MMP16: variants seen among roughly 807,000 people sequenced by gnomAD.
The protein encoded by MMP16 is matrix metalloproteinase-16.
MMP16 carries 12 observed loss-of-function variants against 67.8 expected under a neutral mutation model. The ratio of observed to expected loss-of-function variants is 0.18; its 90% CI spans 0.11 to 0.29. The LOEUF (loss-of-function observed/expected upper bound fraction) is 0.29, where lower values mean the gene tolerates loss of function less well. Ranked by LOEUF, MMP16 falls within the 10% of genes least tolerant of loss-of-function variation. The pLI, the probability that MMP16 is intolerant of heterozygous loss-of-function variation, is 1.00. For missense variants in MMP16, 475 were observed against 765.7 expected, an observed-to-expected ratio of 0.62 and a Z score of 4.48; for synonymous variants, 249 against 255.9, an observed-to-expected ratio of 0.97 and a Z score of 0.26.
At chr8:88,062,663 G>T (rs79809142) in intron 7 of MMP16, among the ~76,000 whole-genome samples, 28,064 of 151,474 alleles carry the variant, frequency 0.19, 3,436 homozygotes, top group African/African-American at 0.35. Context: ...GTTGTGGGGT[G>T]GGGGGAGTGG....
At chr8:88,326,812 G>A in intron 1 of MMP16, 1 of 375,940 alleles carries the variant, frequency 2.7e-6, no homozygotes, top group South Asian at 3.3e-5. Context: ...TCTCTTCCCT[G>A]GGTGAAAAGC....
intron 8 of MMP16, among the ~76,000 whole-genome samples, chr8:88,054,614 A>G (rs963812333): frequency 6.6e-6 from 1 of 152,206 alleles, no homozygotes; most frequent in Admixed American, 6.5e-5. Context: ...AGCACAGCCT[A>G]GCTTTATTAT....
At chr8:88,127,471 A>G (rs1807954707) in intron 4 of MMP16, among the ~76,000 whole-genome samples, 3 of 151,878 alleles carry the variant, frequency 2.0e-5, no homozygotes, top group Non-Finnish European at 4.4e-5. Flanking sequence ...TGAGAGTGAT[A>G]TAATGATTTG....
intron 1 of MMP16, among the ~76,000 whole-genome samples, chr8:88,245,964 T>C (rs1810107206): frequency 6.6e-6 from 1 of 152,194 alleles, no homozygotes. Context: ...CAAGTTCACT[T>C]TTCTCTTCTA....
In MMP16 at chr8:88,184,563, G is replaced by GAAAAAAAAA. The variant is rs59310737; in HGVS notation, c.404+1904_404+1912dup. Among the ~76,000 whole-genome samples the GAAAAAAAAA allele has an allele frequency of 2.8e-3, 31 of 10,936 alleles. 8 individuals carry two copies. Among genetic ancestry groups the GAAAAAAAAA allele is most frequent in the African/African-American group, 0.013 (24 of 1,886 alleles). The allele number at this position is 10,936 out of a possible 152,430, so 7.2% of individuals were successfully genotyped here. On this transcript the variant is annotated intron_variant, in intron 3 of 9. Coordinates refer to ENST00000286614, the MANE Select transcript of MMP16 (RefSeq NM_005941.5). Reference sequence around the variant, plus strand: ...GGGCAAATGGTAAAACTCTCTCTCTGAAAAAAAAAAAAAAAAAAAAAAAAA... The same window carrying GAAAAAAAAA: ...GGGCAAATGGTAAAACTCTCTCTCTGAAAAAAAAAAAAAAAAAAAAAAAAAAAAAAAAAA...
intron 1 of MMP16, among the ~76,000 whole-genome samples, chr8:88,253,784 T>A (rs953732455): frequency 2.6e-5 from 4 of 152,204 alleles, no homozygotes; most frequent in African/African-American, 9.6e-5. Context: ...TTTTCTCACC[T>A]ACAAACTAGC....
intron 3 of MMP16, among the ~76,000 whole-genome samples, chr8:88,177,466 C>T (rs1404742690): frequency 6.6e-6 from 1 of 152,042 alleles, no homozygotes; most frequent in Non-Finnish European, 1.5e-5. Context: ...AAGGAAAAAC[C>T]CTCAAAGTCC....
chr8:88,282,961 A>G (rs1359872066), intron 1 of MMP16, among the ~76,000 whole-genome samples: 1 of 152,064 alleles, frequency 6.6e-6, no homozygotes, highest in Non-Finnish European at 1.5e-5. Flanking sequence ...GTAATACTCT[A>G]TGGCTTTCTT....
At chr8:88,192,905 T>C (rs1283242642) in intron 2 of MMP16, among the ~76,000 whole-genome samples, 3 of 152,052 alleles carry the variant, frequency 2.0e-5, no homozygotes, top group Non-Finnish European at 4.4e-5. Flanking sequence ...CAGGCCATAA[T>C]GAAAGCTGGG....
chr8:88,144,615 G>T (rs545847008), intron 4 of MMP16, among the ~76,000 whole-genome samples: 1 of 151,644 alleles, frequency 6.6e-6, no homozygotes, highest in Non-Finnish European at 1.5e-5. Context: ...AAATAATAAA[G>T]TTCCATTTTA....
At chr8:88,159,149 GCTCT>G (rs1477820795) in intron 4 of MMP16, among the ~76,000 whole-genome samples, 4 of 152,144 alleles carry the variant, frequency 2.6e-5, no homozygotes, top group Non-Finnish European at 5.9e-5. Context: ...GGCAATGTGG[GCTCT>G]CTTTTGGGTC....
intron 4 of MMP16, among the ~76,000 whole-genome samples, chr8:88,135,871 T>C (rs531298706): frequency 1.5e-4 from 23 of 152,036 alleles, no homozygotes; most frequent in African/African-American, 5.5e-4. Context: ...ACAGTGAAAT[T>C]TGGGTTTGGA....
chr8:88,078,320 C>T (rs1363063730), intron 6 of MMP16, among the ~76,000 whole-genome samples: 1 of 152,142 alleles, frequency 6.6e-6, no homozygotes, highest in East Asian at 1.9e-4. Flanking sequence ...ATTTATTTTC[C>T]ATGTAGCATA....
chr8:88,042,435 T>G (rs891528601), intron 9 of MMP16, among the ~76,000 whole-genome samples: 37 of 152,170 alleles, frequency 2.4e-4, no homozygotes, highest in Non-Finnish European at 4.9e-4. Flanking sequence ...AAAGACGTAT[T>G]CATAGTATTC....
At chr8:88,166,716 T>C (rs1808719071) in intron 4 of MMP16, among the ~76,000 whole-genome samples, 1 of 140,250 alleles carries the variant, frequency 7.1e-6, no homozygotes, top group South Asian at 2.2e-4. Flanking sequence ...TATATATATA[T>C]ATATATATAT....
At chr8:88,227,118 A>C (rs1013061829) in intron 1 of MMP16, among the ~76,000 whole-genome samples, 64 of 152,008 alleles carry the variant, frequency 4.2e-4, no homozygotes, top group Non-Finnish European at 1.0e-4. Context: ...ATTAAAATAC[A>C]TAATAATGAT....
chr8:88,199,426 T>TAAAA (rs1173988954), intron 1 of MMP16, among the ~76,000 whole-genome samples: 1 of 152,038 alleles, frequency 6.6e-6, no homozygotes, highest in African/African-American at 2.4e-5. Context: ...GATCATTATT[T>TAAAA]TTAAGTGTAA....
At chr8:88,285,009 C>A (rs908017431) in intron 1 of MMP16, among the ~76,000 whole-genome samples, 2 of 152,158 alleles carry the variant, frequency 1.3e-5, no homozygotes, top group East Asian at 3.8e-4. Context: ...TCTCTCATAA[C>A]TGGTTTATTT....
At chr8:88,146,400 C>T (rs1808290253) in intron 4 of MMP16, among the ~76,000 whole-genome samples, 1 of 151,956 alleles carries the variant, frequency 6.6e-6, no homozygotes, top group Admixed American at 6.6e-5. Context: ...CTTCTACCTC[C>T]CTCAAAACTA....
Sources: allele counts gnomAD v4.1 joint callset (sites outside exome capture counted in the v4.1 genomes callset), GRCh38; gene constraint gnomAD v4.1.1; transcripts MANE v1.5; gene names NCBI Gene and HGNC (gene_info 2026-07-23, HGNC 2026-07-21).